Variants in RAD52 observed in about 807,000 individuals in gnomAD.
The protein encoded by RAD52 is RAD52 DNA repair protein.
A neutral mutation model predicts 55.5 loss-of-function variants in RAD52; 47 were observed. The observed-to-expected ratio is 0.85, with a 90% CI of 0.67 to 1.08. The LOEUF is 1.08. Ranked by LOEUF, RAD52 falls within the 50% of genes least tolerant of loss-of-function variation. RAD52 has a pLI of 0.00. For synonymous variants in RAD52, 184 were observed against 198.9 expected, an observed-to-expected ratio of 0.92 and a Z score of 0.63; for missense variants, 468 against 522.8, an observed-to-expected ratio of 0.90 and a Z score of 1.02.
intron 1 of RAD52, among the ~76,000 whole-genome samples, chr12:970,747 G>T (rs2154121224): frequency 6.6e-6 from 1 of 152,278 alleles, no homozygotes; most frequent in East Asian, 1.9e-4. Flanking sequence ...CGGTCCATGA[G>T]ACAAGGAGGT....
intron 5 of RAD52, among the ~76,000 whole-genome samples, chr12:928,339 G>C (rs892177442): frequency 6.6e-6 from 1 of 152,018 alleles, no homozygotes; most frequent in African/African-American, 2.4e-5. Context: ...TGGAGAAACC[G>C]CGTCTCTACT....
intron 1 of RAD52, among the ~76,000 whole-genome samples, chr12:972,662 A>G (rs1031536960): frequency 2.0e-5 from 3 of 149,132 alleles, no homozygotes; most frequent in Admixed American, 6.7e-5. Context: ...GCTACTCGGT[A>G]GGCTGAGGCA....
At chr12:929,250 T>C (rs1157688666) in intron 5 of RAD52, among the ~76,000 whole-genome samples, 1 of 152,076 alleles carries the variant, frequency 6.6e-6, no homozygotes, top group East Asian at 1.9e-4. Flanking sequence ...GAAAGAACAA[T>C]GTAAAATTTC....
chr12:914,529 G>A lies in RAD52; in HGVS notation c.869C>T (p.Ala290Val), dbSNP rs199638457. The A allele has an allele frequency of 2.8e-5, 45 of 1,613,252 alleles. No homozygotes were observed. In the African/African-American group the frequency reaches 4.3e-4, roughly 15 times the overall value. The change falls in exon 10 of 12, where the codon GCG becomes GTG. Residue 290 changes from alanine to valine, a missense_variant. Ala to Val is a moderately conservative substitution (Grantham distance 64). Coordinates refer to ENST00000358495, the MANE Select transcript of RAD52 (RefSeq NM_134424.4). The stretch of plus-strand genomic sequence containing the variant: ...GTGCGTCACAGGAGGGGCCGGAGGC[G>A]CTGCTACGGTTCACAGAGGAGAGAA... ...STPSAEKSEA[A>V]PPAPPVTHST...
chr12:955,464 TC>T (rs1958591515), intron 1 of RAD52, among the ~76,000 whole-genome samples: 1 of 46,988 alleles, frequency 2.1e-5, no homozygotes. Flanking sequence ...AACGTACTGT[TC>T]TTCTTCTTCT....
intron 1 of RAD52, among the ~76,000 whole-genome samples, chr12:978,638 T>G (rs561574611): frequency 6.6e-6 from 1 of 152,090 alleles, no homozygotes; most frequent in Non-Finnish European, 1.5e-5. Flanking sequence ...CCGTCTCCAC[T>G]AAAATACAAA....
At chr12:972,846 G>A (rs959360889) in intron 1 of RAD52, among the ~76,000 whole-genome samples, 3 of 151,460 alleles carry the variant, frequency 2.0e-5, no homozygotes, top group African/African-American at 7.3e-5. Context: ...TAGGGAAATT[G>A]GGGCAACTGG....
At chr12:932,622 T>G (rs1207915917) in intron 2 of RAD52, among the ~76,000 whole-genome samples, 1 of 152,062 alleles carries the variant, frequency 6.6e-6, no homozygotes, top group Non-Finnish European at 1.5e-5. Flanking sequence ...ACAAAAAATT[T>G]AAAATCTAAA....
chr12:942,155 G>A (rs1957953832), intron 1 of RAD52, among the ~76,000 whole-genome samples: 1 of 152,092 alleles, frequency 6.6e-6, no homozygotes, highest in Non-Finnish European at 1.5e-5. Context: ...CATCAAGCTT[G>A]AAAACAACAA....
At chr12:914,650 T>A in intron 9 of RAD52, 118 bp from the exon 10 acceptor site, 1 of 1,227,540 alleles carries the variant, frequency 8.1e-7, no homozygotes, top group Non-Finnish European at 1.1e-6. Context: ...CAACACCGCT[T>A]AGGGCTGCGC....
chr12:972,723 A>G (rs369583057), intron 1 of RAD52, among the ~76,000 whole-genome samples: 24 of 142,120 alleles, frequency 1.7e-4, no homozygotes, highest in African/African-American at 6.1e-4. Context: ...CTGAGATAGC[A>G]CCACTGCACT....
chr12:965,967 A>AGCC (rs1958760511), intron 1 of RAD52, among the ~76,000 whole-genome samples: 2 of 151,778 alleles, frequency 1.3e-5, no homozygotes, highest in African/African-American at 2.4e-5. Flanking sequence ...TACAGGCATG[A>AGCC]ACCACTGTGC....
intron 1 of RAD52, among the ~76,000 whole-genome samples, chr12:936,618 G>C (rs1290791392): frequency 2.0e-5 from 3 of 152,018 alleles, no homozygotes; most frequent in African/African-American, 7.2e-5. Flanking sequence ...GCGGCCTCCA[G>C]AGTAGACAGG....
At chr12:979,911 GT>G in intron 1 of RAD52, among the ~76,000 whole-genome samples, 1 of 152,258 alleles carries the variant, frequency 6.6e-6, no homozygotes. Context: ...GCCAGGCGTG[GT>G]GGCAGGCACC....
chr12:974,882 T>C (rs750054400), intron 1 of RAD52: 4 of 152,148 alleles, frequency 2.6e-5, no homozygotes, highest in Non-Finnish European at 5.9e-5. Context: ...TCCTCCGCAG[T>C]CCTGACCCTA....
At chr12:926,369 T>C (rs935853802) in intron 6 of RAD52, among the ~76,000 whole-genome samples, 1 of 151,466 alleles carries the variant, frequency 6.6e-6, no homozygotes, top group African/African-American at 2.4e-5. Flanking sequence ...CTGGGGGTGG[T>C]GTTATGTGCC....
intron 1 of RAD52, among the ~76,000 whole-genome samples, chr12:939,303 G>A (rs1330937556): frequency 6.6e-6 from 1 of 151,722 alleles, no homozygotes; most frequent in Admixed American, 6.6e-5. Context: ...GTTGTATAAC[G>A]CCACACACGG....
intron 1 of RAD52, among the ~76,000 whole-genome samples, chr12:943,135 C>T (rs1958005416): frequency 6.6e-6 from 1 of 152,142 alleles, no homozygotes; most frequent in Non-Finnish European, 1.5e-5. Context: ...CACACCACAC[C>T]CATCAGAATA....
intron 1 of RAD52, among the ~76,000 whole-genome samples, chr12:980,194 A>G (rs10849609): frequency 0.77 from 116,618 of 151,526 alleles, 46,747 homozygotes; most frequent in East Asian, 0.98. Flanking sequence ...CATCTTGGCC[A>G]GCGGGGGGTG....
Sources: gnomAD v4.1 joint callset for allele counts (sites outside exome capture counted in the v4.1 genomes callset) on GRCh38, gnomAD v4.1.1 for gene constraint, MANE v1.5 for transcripts, NCBI Gene and HGNC (gene_info 2026-07-23, HGNC 2026-07-21) for gene names.